SCARA3: variants seen among roughly 807,000 people sequenced by gnomAD.
SCARA3 encodes the protein cellular stress response gene protein.
SCARA3 carries 39 observed loss-of-function variants against 47.0 expected under a neutral mutation model. The observed-to-expected ratio is 0.83, with a 90% confidence interval of 0.64 to 1.08. SCARA3 has a LOEUF of 1.08. SCARA3 is among the 50% of genes least tolerant of loss of function. The pLI, the probability that SCARA3 is intolerant of heterozygous loss-of-function variation, is 0.00. For synonymous variants in SCARA3, 356 were observed against 334.1 expected (o/e 1.07, Z -0.71); for missense variants, 724 against 792.3 (o/e 0.91, Z 1.04).
At chr8:27,728,847 G>A in the SCARA3 span, among the ~76,000 whole-genome samples, 12 of 152,276 alleles carry the variant, frequency 7.9e-5, no homozygotes, top group Admixed American at 1.3e-4. Flanking sequence ...AACATGGAGG[G>A]GGCCCCACTG....
the SCARA3 span, among the ~76,000 whole-genome samples, chr8:27,696,024 T>C: frequency 2.7e-5 from 4 of 147,156 alleles, no homozygotes; most frequent in Non-Finnish European, 6.0e-5. Context: ...TTTATTTTAA[T>C]TTTTTTTTTT....
the SCARA3 span, among the ~76,000 whole-genome samples, chr8:27,688,949 A>G: frequency 1.3e-5 from 2 of 152,224 alleles, no homozygotes; most frequent in Non-Finnish European, 2.9e-5. Flanking sequence ...TTCTTTTTTA[A>G]AAGTATGATA....
At chr8:27,721,965 T>G in the SCARA3 span, among the ~76,000 whole-genome samples, 6 of 152,110 alleles carry the variant, frequency 3.9e-5, no homozygotes, top group Non-Finnish European at 7.4e-5. Flanking sequence ...GGCATGCGCC[T>G]GTGGTCCCAG....
chr8:27,721,640 G>C, the SCARA3 span, among the ~76,000 whole-genome samples: 1 of 152,112 alleles, frequency 6.6e-6, no homozygotes, highest in Admixed American at 6.5e-5. Context: ...GGTGGAATGG[G>C]GGTCTTGCCA....
At chr8:27,716,748 G>T in the SCARA3 span, among the ~76,000 whole-genome samples, 4,777 of 152,182 alleles carry the variant, frequency 0.031, 245 homozygotes, top group African/African-American at 0.11. Context: ...TAAGAAATAA[G>T]AATAATAACA....
At chr8:27,704,526 G>T in the SCARA3 span, among the ~76,000 whole-genome samples, 1 of 152,114 alleles carries the variant, frequency 6.6e-6, no homozygotes, top group Non-Finnish European at 1.5e-5. Flanking sequence ...GGATCTCAGT[G>T]CTGCCTCGCA....
the SCARA3 span, among the ~76,000 whole-genome samples, chr8:27,726,402 T>C: frequency 5.3e-5 from 8 of 151,868 alleles, no homozygotes; most frequent in African/African-American, 1.7e-4. Context: ...CAAGACATTG[T>C]CTCTTAAAAA....
the SCARA3 span, among the ~76,000 whole-genome samples, chr8:27,725,737 C>G: frequency 2.0e-5 from 3 of 152,126 alleles, no homozygotes; most frequent in African/African-American, 7.2e-5. Context: ...GCTGCTCCTT[C>G]CCTGGGAGTA....
At chr8:27,656,414 G>C (rs561701364) in intron 3 of SCARA3, among the ~76,000 whole-genome samples, 1 of 152,310 alleles carries the variant, frequency 6.6e-6, no homozygotes, top group African/African-American at 2.4e-5. Flanking sequence ...CTATGTAGCT[G>C]AAGAATGGTT....
At chr8:27,644,926 C>T (rs779968847) in intron 1 of SCARA3, among the ~76,000 whole-genome samples, 4 of 151,986 alleles carry the variant, frequency 2.6e-5, no homozygotes, top group Admixed American at 6.5e-5. Flanking sequence ...TGGAAAAACA[C>T]GACCCCCCCA....
the SCARA3 span, among the ~76,000 whole-genome samples, chr8:27,731,282 TAG>T: frequency 1.3e-5 from 2 of 151,440 alleles, no homozygotes; most frequent in Admixed American, 1.3e-4. Flanking sequence ...TATTATTTTG[TAG>T]AGAGAGGGTC....
chr8:27,636,821 A>G (rs1202664508), intron 1 of SCARA3, among the ~76,000 whole-genome samples: 3 of 152,218 alleles, frequency 2.0e-5, no homozygotes, highest in Non-Finnish European at 4.4e-5. Context: ...GCAGCCGGGA[A>G]GAGCCGCCCC....
chr8:27,655,335 C>T (rs1801720631), intron 3 of SCARA3, among the ~76,000 whole-genome samples: 1 of 152,170 alleles, frequency 6.6e-6, no homozygotes, highest in Admixed American at 6.5e-5. Context: ...TCCCCTTGTA[C>T]TTGACCTTAA....
downstream of SCARA3, chr8:27,676,643 T>C: frequency 8.2e-7 from 1 of 1,224,114 alleles, no homozygotes; most frequent in East Asian, 2.4e-5. Context: ...AGAATATAAT[T>C]TGAAAATGAA....
chr8:27,679,141 C>T (rs1802321372), downstream of SCARA3, among the ~76,000 whole-genome samples: 1 of 152,086 alleles, frequency 6.6e-6, no homozygotes, highest in South Asian at 2.1e-4. Context: ...TCTTCCTCCT[C>T]TTCCTTGTTC....
At chr8:27,725,870 G>A in the SCARA3 span, among the ~76,000 whole-genome samples, 1 of 152,242 alleles carries the variant, frequency 6.6e-6, no homozygotes, top group Non-Finnish European at 1.5e-5. Flanking sequence ...TTTAGGGGCA[G>A]TCACAGGTGG....
chr8:27,717,547 G>T, the SCARA3 span, among the ~76,000 whole-genome samples: 1 of 152,198 alleles, frequency 6.6e-6, no homozygotes, highest in African/African-American at 2.4e-5. Context: ...CACTTTGGGA[G>T]GCTGCAGCGG....
chr8:27,731,352 G>A, the SCARA3 span, among the ~76,000 whole-genome samples: 23 of 151,728 alleles, frequency 1.5e-4, no homozygotes, highest in South Asian at 1.3e-3. Context: ...CTCCCGCCTC[G>A]GCCTCCCAGT....
the SCARA3 span, among the ~76,000 whole-genome samples, chr8:27,718,983 C>G: frequency 1.3e-5 from 2 of 152,186 alleles, no homozygotes; most frequent in Admixed American, 1.3e-4. Context: ...TGTCTAGAAT[C>G]TTAGACTTTA....
Sources: gnomAD v4.1 joint callset for allele counts (sites outside exome capture counted in the v4.1 genomes callset) on GRCh38, gnomAD v4.1.1 for gene constraint, MANE v1.5 for transcripts, NCBI Gene and HGNC (gene_info 2026-07-23, HGNC 2026-07-21) for gene names.